AFG2A: variants seen among roughly 807,000 people sequenced by gnomAD.
AFG2A encodes ATPase family gene 2 protein homolog A.
the AFG2A span, among the ~76,000 whole-genome samples, chr4:123,144,678 A>G: frequency 6.6e-6 from 1 of 152,148 alleles, no homozygotes; most frequent in African/African-American, 2.4e-5. Context: ...ATTTCTCTCA[A>G]TAAAGTTGGG....
chr4:123,193,733 T>C, the AFG2A span, among the ~76,000 whole-genome samples: 1 of 152,190 alleles, frequency 6.6e-6, no homozygotes, highest in Non-Finnish European at 1.5e-5. Flanking sequence ...AAAAAGAACA[T>C]AAAATACAGA....
At chr4:123,299,012 C>T in the AFG2A span, among the ~76,000 whole-genome samples, 3 of 152,158 alleles carry the variant, frequency 2.0e-5, no homozygotes, top group South Asian at 2.1e-4. Context: ...TTTTAAAAGA[C>T]TCACAAGTGG....
the AFG2A span, among the ~76,000 whole-genome samples, chr4:122,995,822 A>G: frequency 3.9e-5 from 6 of 152,196 alleles, no homozygotes; most frequent in Admixed American, 2.6e-4. Flanking sequence ...TAAATACTTC[A>G]TGAGTGTTTG....
At chr4:123,063,379 A>G in the AFG2A span, among the ~76,000 whole-genome samples, 1 of 152,194 alleles carries the variant, frequency 6.6e-6, no homozygotes, top group Admixed American at 6.5e-5. Context: ...ATTCGTCCAA[A>G]GCTATCATCT....
the AFG2A span, among the ~76,000 whole-genome samples, chr4:123,082,523 C>CTT: frequency 2.3e-3 from 321 of 141,248 alleles, 1 homozygote; most frequent in South Asian, 3.5e-3. Flanking sequence ...TCTCTTTTTT[C>CTT]TTTTTTTTTT....
chr4:123,162,024 G>GA, the AFG2A span, among the ~76,000 whole-genome samples: 1 of 103,234 alleles, frequency 9.7e-6, no homozygotes, highest in South Asian at 2.5e-4. Flanking sequence ...AATCAGCTGG[G>GA]GAAAAAAAAG....
the AFG2A span, among the ~76,000 whole-genome samples, chr4:123,073,967 G>A: frequency 2.0e-5 from 3 of 152,080 alleles, no homozygotes; most frequent in Non-Finnish European, 4.4e-5. Flanking sequence ...AATCTTAAAT[G>A]TAAATGGTGG....
At chr4:123,019,292 T>TG in the AFG2A span, among the ~76,000 whole-genome samples, 1 of 151,608 alleles carries the variant, frequency 6.6e-6, no homozygotes, top group African/African-American at 2.4e-5. Flanking sequence ...CCATTTTTTT[T>TG]TTTACCAAGT....
At chr4:123,062,332 A>G in the AFG2A span, among the ~76,000 whole-genome samples, 1 of 152,344 alleles carries the variant, frequency 6.6e-6, no homozygotes, top group Non-Finnish European at 1.5e-5. Flanking sequence ...CTTCTACACT[A>G]TATACCATAT....
At chr4:123,271,424 T>C in the AFG2A span, among the ~76,000 whole-genome samples, 1 of 152,206 alleles carries the variant, frequency 6.6e-6, no homozygotes, top group African/African-American at 2.4e-5. Flanking sequence ...ATGAGGATCA[T>C]TTTATTATCA....
At chr4:123,012,424 G>A in the AFG2A span, among the ~76,000 whole-genome samples, 4 of 151,524 alleles carry the variant, frequency 2.6e-5, no homozygotes, top group Non-Finnish European at 5.9e-5. Flanking sequence ...GAGAAGGGGT[G>A]GGGAGAGACA....
the AFG2A span, among the ~76,000 whole-genome samples, chr4:122,944,371 T>C: frequency 3.4e-3 from 516 of 152,276 alleles, 2 homozygotes; most frequent in African/African-American, 0.012. Context: ...CCCTTCTTGC[T>C]TCATTTCATT....
chr4:122,981,418 T>C, the AFG2A span, among the ~76,000 whole-genome samples: 540 of 151,856 alleles, frequency 3.6e-3, 4 homozygotes, highest in African/African-American at 0.012. Flanking sequence ...TTGATTATCA[T>C]AGCTTTGTAG....
At chr4:123,141,555 T>TA in the AFG2A span, among the ~76,000 whole-genome samples, 1 of 152,206 alleles carries the variant, frequency 6.6e-6, no homozygotes, top group Non-Finnish European at 1.5e-5. Flanking sequence ...TAGGCTAATG[T>TA]AAGTATTCTG....
chr4:123,040,996 C>T, the AFG2A span, among the ~76,000 whole-genome samples: 1 of 151,836 alleles, frequency 6.6e-6, no homozygotes, highest in African/African-American at 2.4e-5. Context: ...ATCACTTTGT[C>T]TATTTGTGTA....
chr4:123,279,241 C>A, the AFG2A span, among the ~76,000 whole-genome samples: 4 of 152,146 alleles, frequency 2.6e-5, no homozygotes, highest in South Asian at 2.1e-4. Flanking sequence ...CATGGTGAAA[C>A]CCCATCTCTA....
At chr4:123,191,110 G>A in the AFG2A span, among the ~76,000 whole-genome samples, 2 of 152,138 alleles carry the variant, frequency 1.3e-5, no homozygotes, top group Non-Finnish European at 2.9e-5. Flanking sequence ...ATTCTGATAT[G>A]TAAAGCTGGG....
chr4:123,204,919 G>A, the AFG2A span, among the ~76,000 whole-genome samples: 3 of 152,152 alleles, frequency 2.0e-5, no homozygotes, highest in East Asian at 3.8e-4. Flanking sequence ...TAGCTATGTT[G>A]GGAGTATGTA....
chr4:123,137,216 A>G, the AFG2A span, among the ~76,000 whole-genome samples: 1 of 152,182 alleles, frequency 6.6e-6, no homozygotes, highest in Non-Finnish European at 1.5e-5. Flanking sequence ...ACTGATCCAC[A>G]ACCCGGGGGT....
Sources: allele counts gnomAD v4.1 joint callset (sites outside exome capture counted in the v4.1 genomes callset), GRCh38; gene constraint gnomAD v4.1.1; transcripts MANE v1.5; gene names NCBI Gene and HGNC (gene_info 2026-07-23, HGNC 2026-07-21).